The following PCDHGA2 variants were observed in gnomAD, a reference collection of about 807,000 sequenced individuals.
PCDHGA2 encodes protocadherin gamma subfamily A, 2.
PCDHGA2 carries 40 observed loss-of-function variants against 59.2 expected under a neutral mutation model. That is an observed-to-expected ratio of 0.68 (90% CI 0.52 to 0.88). PCDHGA2 has a LOEUF of 0.88. Ranked by LOEUF, PCDHGA2 falls within the 40% of genes least tolerant of loss-of-function variation. PCDHGA2 has a pLI of 0.00. For missense variants in PCDHGA2, 1,226 were observed against 1,204.0 expected, an observed-to-expected ratio of 1.02 and a Z score of -0.27; for synonymous variants, 560 against 526.0, an observed-to-expected ratio of 1.06 and a Z score of -0.89.
chr5:141,408,863 C>T, intron 1 of PCDHGA2: 1 of 1,613,604 alleles, frequency 6.2e-7, no homozygotes, highest in Non-Finnish European at 8.5e-7. Context: ...AGGGGACCCA[C>T]CAAGAAGTGC....
chr5:141,439,796 G>A (rs980000701), intron 1 of PCDHGA2: 1 of 152,318 alleles, frequency 6.6e-6, no homozygotes. Flanking sequence ...AATCCAAGAA[G>A]AGTTTGAAAA....
chr5:141,425,207 G>A lies in PCDHGA2; in HGVS notation c.2425-69600G>A, dbSNP rs546494803. 1.8e-3 allele frequency among the ~76,000 whole-genome samples: 281 copies of A among 152,238 alleles called. 1 individual carries two copies. The highest frequency in any genetic ancestry group is 6.6e-3 in the African/African-American group (274 of 41,534). ...TCCAAACTGAGAAAAATGATGTAAG[G>A]CATTGTACTTTGACTGGAATTAGTT... On this transcript the variant is annotated intron_variant, in intron 1 of 3. Coordinates refer to ENST00000394576, the MANE Select transcript of PCDHGA2 (RefSeq NM_018915.4).
chr5:141,392,971 G>T (rs2092639952), intron 1 of PCDHGA2: 1 of 1,613,896 alleles, frequency 6.2e-7, no homozygotes, highest in Non-Finnish European at 8.5e-7. Flanking sequence ...AAGGACCTGG[G>T]GCTGGACCCC....
Position 141,487,686 on chromosome 5 carries a change from T to G in PCDHGA2, c.2425-7121T>G, listed in dbSNP as rs778973495. The G allele has an allele frequency of 4.4e-6, 7 of 1,605,914 alleles. 1 individual carries two copies. The African/African-American group carries it at 9.4e-5, about 21-fold the overall frequency. On this transcript the variant is annotated intron_variant, in intron 1 of 3. Coordinates refer to ENST00000394576, the MANE Select transcript of PCDHGA2 (RefSeq NM_018915.4). The surrounding 1 kb of genome is among the most constrained non-coding windows in gnomAD (Gnocchi z 5.0). Reference sequence around the variant, plus strand: ...CCAGGCATATGGCTAGGCCATGTCCTAGAGAGTACTGGCCTCTCAGTAAGT... The same window carrying G: ...CCAGGCATATGGCTAGGCCATGTCCGAGAGAGTACTGGCCTCTCAGTAAGT...
intron 1 of PCDHGA2, among the ~76,000 whole-genome samples, chr5:141,447,863 A>G (rs553375129): frequency 6.6e-6 from 1 of 152,254 alleles, no homozygotes; most frequent in East Asian, 1.9e-4. Flanking sequence ...AGGTGGGTGA[A>G]TCATCTGAGG....
intron 1 of PCDHGA2, chr5:141,362,522 C>T (rs780916680): frequency 3.7e-6 from 6 of 1,614,018 alleles, no homozygotes; most frequent in Non-Finnish European, 5.1e-6. Flanking sequence ...CATGGAGCCG[C>T]TGGGGTCCCT....
chr5:141,388,913 A>C, intron 1 of PCDHGA2: 1 of 1,614,040 alleles, frequency 6.2e-7, no homozygotes, highest in Non-Finnish European at 8.5e-7. Flanking sequence ...ACAACGCCCC[A>C]GAAGTGATAT....
At chr5:141,352,851 G>A (rs115443544) in intron 1 of PCDHGA2, among the ~76,000 whole-genome samples, 5,057 of 152,212 alleles carry the variant, frequency 0.033, 139 homozygotes, top group Admixed American at 0.067. Flanking sequence ...AGTTGGGTGT[G>A]GTGGCACGCG....
chr5:141,351,648 C>T, intron 1 of PCDHGA2: 1 of 1,614,042 alleles, frequency 6.2e-7, no homozygotes, highest in South Asian at 1.1e-5. Flanking sequence ...AACAACCCAC[C>T]TGGCGCCTCC....
intron 1 of PCDHGA2, chr5:141,345,904 G>C (rs1319901712): frequency 1.9e-6 from 3 of 1,612,396 alleles, no homozygotes; most frequent in African/African-American, 2.7e-5. Flanking sequence ...CTGCACACGG[G>C]CGAGGTGCGC....
rs151297289 is a variant in PCDHGA2, at chr5:141,381,401, A to G, written c.2424+40006A>G. Among the ~76,000 whole-genome samples the G allele has an allele frequency of 6.6e-4, 101 of 152,344 alleles. 2 individuals are homozygous for G. The highest frequency in any genetic ancestry group is 2.3e-3 in the African/African-American group (97 of 41,586). On this transcript the variant is annotated intron_variant, in intron 1 of 3. Transcript: ENST00000394576. ...TCAATAATTTAGTTTTACTCTATCA[A>G]CATCAGTGGAGAGACGAGTACCTCT...
intron 1 of PCDHGA2, chr5:141,389,409 A>G: frequency 6.2e-7 from 1 of 1,613,590 alleles, no homozygotes; most frequent in Admixed American, 1.7e-5. Context: ...AAGCGCGGAG[A>G]GCGGGGTGGT....
At chr5:141,376,267 G>T (rs1021502624) in intron 1 of PCDHGA2, 2 of 1,614,210 alleles carry the variant, frequency 1.2e-6, no homozygotes. Flanking sequence ...TGCAGGCTTC[G>T]GGAGGTGGCT....
At chr5:141,383,700 C>T (rs753632881) in intron 1 of PCDHGA2, 1 of 1,613,936 alleles carries the variant, frequency 6.2e-7, no homozygotes, top group East Asian at 2.2e-5. Flanking sequence ...TACATGCTAT[C>T]GACCTGGACG....
intron 1 of PCDHGA2, chr5:141,366,310 C>A: frequency 6.2e-7 from 1 of 1,613,772 alleles, no homozygotes; most frequent in East Asian, 2.2e-5. Flanking sequence ...CCTTCACGGT[C>A]ACCGTTGCCG....
intron 1 of PCDHGA2, chr5:141,428,221 G>T (rs1314522513): frequency 1.0e-5 from 12 of 1,177,166 alleles, no homozygotes; most frequent in East Asian, 4.9e-5. Context: ...CCTAGTCTTC[G>T]CAGACAGCCT....
chr5:141,360,216 G>A (rs1471973434), intron 1 of PCDHGA2: 4 of 1,613,422 alleles, frequency 2.5e-6, no homozygotes, highest in Non-Finnish European at 3.4e-6. Flanking sequence ...TGTTCCCCGG[G>A]GCTCTCCCAG....
At position 141,422,880 on chromosome 5, in the gene PCDHGA2, G is replaced by C. The variant is rs970045921; in HGVS notation, c.2425-71927G>C. The C allele has an allele frequency of 7.4e-6, 12 of 1,614,140 alleles. No individual in the cohort carries two copies. In the Admixed American group the frequency reaches 2.0e-4, roughly 27 times the overall value. ...TCAGCAGCAACGTGTCGCTGAGCCT[G>C]TTCGTGCTGGACCAGAACGACAATG... On this transcript the variant is annotated intron_variant, in intron 1 of 3. Coordinates refer to ENST00000394576, the MANE Select transcript of PCDHGA2 (RefSeq NM_018915.4).
At chr5:141,386,719 C>A (rs1487131983) in intron 1 of PCDHGA2, among the ~76,000 whole-genome samples, 1 of 152,104 alleles carries the variant, frequency 6.6e-6, no homozygotes, top group African/African-American at 2.4e-5. Flanking sequence ...CTGACACCAA[C>A]AATGTTACTG....
Sources: allele counts gnomAD v4.1 joint callset (sites outside exome capture counted in the v4.1 genomes callset), GRCh38; gene constraint gnomAD v4.1.1; non-coding constraint Gnocchi (gnomAD v3.1); transcripts MANE v1.5; gene names NCBI Gene and HGNC (gene_info 2026-07-23, HGNC 2026-07-21).